The following NDST4 variants were observed in gnomAD, a reference collection of about 807,000 sequenced individuals.
The protein encoded by NDST4 is N-heparan sulfate sulfotransferase 4.
NDST4 carries 63 observed loss-of-function variants against 100.8 expected under a neutral mutation model. The observed-to-expected ratio is 0.62, with a 90% CI of 0.51 to 0.77. The LOEUF (loss-of-function observed/expected upper bound fraction) is 0.77. Among genes scored for constraint, NDST4 ranks in the 30% least tolerant of loss-of-function variants. The pLI is 0.00. For synonymous variants in NDST4, 377 were observed against 361.8 expected (o/e 1.04, Z -0.48); for missense variants, 943 against 1,018.4 (o/e 0.93, Z 1.01).
intron 7 of NDST4, among the ~76,000 whole-genome samples, chr4:114,865,892 T>C (rs1476888016): frequency 3.9e-5 from 6 of 152,180 alleles, no homozygotes; most frequent in Non-Finnish European, 8.8e-5. Flanking sequence ...CATGAGAAAT[T>C]ATTGCCATAT....
intron 6 of NDST4, among the ~76,000 whole-genome samples, chr4:114,919,297 G>C (rs542373834): frequency 2.0e-5 from 3 of 152,248 alleles, no homozygotes; most frequent in South Asian, 4.1e-4. Context: ...AGGGAAGGGA[G>C]ACAGATGAAA....
chr4:115,031,209 T>C (rs1278809317), intron 2 of NDST4, among the ~76,000 whole-genome samples: 1 of 152,080 alleles, frequency 6.6e-6, no homozygotes, highest in Non-Finnish European at 1.5e-5. Context: ...AGTGGTCTGT[T>C]CATTTGTTAT....
rs560032686 is a variant in NDST4 at position 115,044,274 on chromosome 4, T to C, written c.978+31785A>G. ...GAATAAATTACAGTAACATATATCT[T>C]TTACATTAATATGTTCACTAAAATT... On this transcript the variant is annotated intron_variant, in intron 2 of 13. Transcript: ENST00000264363. 1.6e-3 allele frequency among the ~76,000 whole-genome samples: 246 copies of C among 152,206 alleles called. 1 individual carries two copies. The highest frequency in any genetic ancestry group is 5.7e-3 in the African/African-American group (236 of 41,566).
At chr4:115,086,908 T>A (rs530417889) in intron 1 of NDST4, among the ~76,000 whole-genome samples, 8 of 152,204 alleles carry the variant, frequency 5.3e-5, no homozygotes, top group African/African-American at 1.9e-4. Flanking sequence ...CTTTGCCATA[T>A]AAGATTTAGA....
intron 2 of NDST4, among the ~76,000 whole-genome samples, chr4:115,038,493 C>A (rs1728280366): frequency 6.6e-6 from 1 of 152,052 alleles, no homozygotes; most frequent in African/African-American, 2.4e-5. Flanking sequence ...GAGAAAACAT[C>A]CAGGGGCTTA....
At chr4:114,892,664 G>C (rs1001835908) in intron 6 of NDST4, among the ~76,000 whole-genome samples, 1 of 151,972 alleles carries the variant, frequency 6.6e-6, no homozygotes, top group African/African-American at 2.4e-5. Flanking sequence ...GAGATAAGAG[G>C]GGCCCAAGAA....
chr4:115,003,685 G>A (rs865838471), intron 2 of NDST4, among the ~76,000 whole-genome samples: 1 of 151,970 alleles, frequency 6.6e-6, no homozygotes, highest in African/African-American at 2.4e-5. Flanking sequence ...GACCAATATA[G>A]TGAAACTCCA....
chr4:114,958,530 C>T (rs1193771915), intron 4 of NDST4, among the ~76,000 whole-genome samples: 1 of 152,188 alleles, frequency 6.6e-6, no homozygotes, highest in African/African-American at 2.4e-5. Flanking sequence ...GGCTTTCGTC[C>T]TCTGAAGCAA....
intron 1 of NDST4, among the ~76,000 whole-genome samples, chr4:115,090,782 C>A (rs1003373763): frequency 6.6e-6 from 1 of 151,922 alleles, no homozygotes; most frequent in Admixed American, 6.6e-5. Flanking sequence ...CTAGATAAGT[C>A]CAGGGAGTAT....
rs559175105 is a variant in NDST4 at position 114,996,568 on chromosome 4, A to T, written c.979-19294T>A. On this transcript the variant is annotated intron_variant, in intron 2 of 13. Transcript: ENST00000264363. ...CATCCAAGAGGCCTTTTAAGGACTGATCTTAGCTCTCCTCTCTGTTTCCTA... is the reference window on the plus strand; with the variant it reads ...CATCCAAGAGGCCTTTTAAGGACTGTTCTTAGCTCTCCTCTCTGTTTCCTA... Among the ~76,000 whole-genome samples the T allele has an allele frequency of 5.9e-5, 9 of 152,204 alleles. 1 individual carries two copies. The East Asian group carries it at 1.7e-3, about 29-fold the overall frequency.
chr4:115,050,317 C>T lies in NDST4; in HGVS notation c.978+25742G>A, dbSNP rs1179544840. Among the ~76,000 whole-genome samples the T allele has an allele frequency of 2.0e-5, 3 of 151,910 alleles. No individual in the cohort carries two copies. In the East Asian group the frequency reaches 5.8e-4, roughly 29 times the overall value. Reference sequence around the variant, plus strand: ...TTATCTACAAATATTGCAAAGTGACCTAATGCATGTAAACAGGTAAGAATC... The same window carrying T: ...TTATCTACAAATATTGCAAAGTGACTTAATGCATGTAAACAGGTAAGAATC... On this transcript the variant is annotated intron_variant, in intron 2 of 13. Coordinates refer to ENST00000264363, the MANE Select transcript of NDST4 (RefSeq NM_022569.3).
intron 2 of NDST4, among the ~76,000 whole-genome samples, chr4:115,055,537 A>G (rs1193444097): frequency 5.3e-5 from 8 of 152,148 alleles, no homozygotes; most frequent in Admixed American, 2.6e-4. Context: ...TATTCATTTG[A>G]TAGCAAACTA....
Position 114,977,238 on chromosome 4 carries a change from C to G in NDST4, c.1015G>C (p.Val339Leu), listed in dbSNP as rs149114169. ...LETQNLLRTQVANFTFNLGFS... is the reference protein window; with the variant it reads ...LETQNLLRTQLANFTFNLGFS... The stretch of plus-strand genomic sequence containing the variant: ...CCAAGGTTGAAGGTAAAATTTGCAA[C>G]CTGAGTGCGCAGTAAATTTTGAGTC... Residue 339 changes from valine (V) to leucine (L), a missense_variant, in exon 3 of 14, where the codon GTT becomes CTT. This residue lies in a region of NDST4 where 526 missense variants were observed against 634.1 expected (regional missense o/e 0.83). Transcript: ENST00000264363. 4.3e-6 allele frequency: 7 copies of G among 1,610,304 alleles called. No individual in the cohort carries two copies. The highest frequency in any genetic ancestry group is 5.9e-6 in the Non-Finnish European group (7 of 1,177,720).
intron 3 of NDST4, among the ~76,000 whole-genome samples, chr4:114,975,114 T>C (rs1047357161): frequency 7.9e-5 from 12 of 152,122 alleles, no homozygotes; most frequent in Admixed American, 2.6e-4. Flanking sequence ...AGGCACGTCT[T>C]TCTGATATCT....
chr4:115,006,267 A>G (rs972237475), intron 2 of NDST4, among the ~76,000 whole-genome samples: 3 of 152,202 alleles, frequency 2.0e-5, no homozygotes, highest in Non-Finnish European at 4.4e-5. Context: ...GTAACAAACT[A>G]AAGGATTTGA....
chr4:114,938,078 G>T (rs948364905), intron 4 of NDST4, among the ~76,000 whole-genome samples: 1 of 152,166 alleles, frequency 6.6e-6, no homozygotes, highest in African/African-American at 2.4e-5. Flanking sequence ...AGCATGTTAA[G>T]ATAAACTGTA....
chr4:114,974,614 T>C (rs1406206545), intron 3 of NDST4, among the ~76,000 whole-genome samples: 2 of 152,138 alleles, frequency 1.3e-5, no homozygotes, highest in African/African-American at 4.8e-5. Flanking sequence ...ATTCAAGCTC[T>C]AAATATTTCC....
chr4:115,084,957 C>A (rs1405695090), intron 1 of NDST4, among the ~76,000 whole-genome samples: 1 of 152,108 alleles, frequency 6.6e-6, no homozygotes, highest in African/African-American at 2.4e-5. Flanking sequence ...GGTAAATTCA[C>A]CACATCTTGC....
At position 115,061,706 on chromosome 4, in the gene NDST4, G is replaced by A. The variant is rs150878496; in HGVS notation, c.978+14353C>T. On this transcript the variant is annotated intron_variant, in intron 2 of 13. Transcript: ENST00000264363. Reference sequence around the variant, plus strand: ...TAAAACCTAGATGACAGGTTGATGGGTGCAGCAAACCACCATGGCACATGT... The same window carrying A: ...TAAAACCTAGATGACAGGTTGATGGATGCAGCAAACCACCATGGCACATGT... 1.7e-4 allele frequency among the ~76,000 whole-genome samples: 26 copies of A among 151,930 alleles called. 1 individual carries two copies. The highest frequency in any genetic ancestry group is 1.7e-3 in the Admixed American group (26 of 15,240).
Sources: allele counts gnomAD v4.1 joint callset (sites outside exome capture counted in the v4.1 genomes callset), GRCh38; gene constraint gnomAD v4.1.1; regional missense constraint gnomAD v4.1.1; transcripts MANE v1.5; gene names NCBI Gene and HGNC (gene_info 2026-07-23, HGNC 2026-07-21).